The following FAM241A variants were observed in gnomAD, a reference collection of about 807,000 sequenced individuals.
FAM241A encodes the protein uncharacterized protein FAM241A.
In FAM241A, 7 loss-of-function variants were observed where a neutral mutation model predicts 12.2. That is an observed-to-expected ratio of 0.58 (90% CI 0.33 to 1.08). The LOEUF is 1.08. FAM241A is among the 50% of genes least tolerant of loss of function. The pLI, the probability that FAM241A is intolerant of heterozygous loss-of-function variation, is 0.04. For missense variants in FAM241A, 161 were observed against 169.7 expected, an observed-to-expected ratio of 0.95 and a Z score of 0.29; for synonymous variants, 74 against 68.2, an observed-to-expected ratio of 1.08 and a Z score of -0.42.
chr4:112,172,526 A>G (rs539329050), intron 1 of FAM241A, among the ~76,000 whole-genome samples: 1 of 152,352 alleles, frequency 6.6e-6, no homozygotes, highest in South Asian at 2.1e-4. Flanking sequence ...GCAGTGCATT[A>G]GTGGGTTTTT....
At chr4:112,166,850 C>T (rs1307691935) in intron 1 of FAM241A, among the ~76,000 whole-genome samples, 6 of 151,744 alleles carry the variant, frequency 4.0e-5, no homozygotes, top group Admixed American at 3.9e-4. Context: ...CGCGGTGGCT[C>T]ACGCCTGTAA....
In FAM241A at chr4:112,145,505, C is replaced by T. The variant is rs948297100; in HGVS notation, c.-76C>T. ...GTGCGGCGGATCCCAGGGCAGCCTTCGGGCGGCGGCGCTGCCTGGTGCGTC... is the reference window on the plus strand; with the variant it reads ...GTGCGGCGGATCCCAGGGCAGCCTTTGGGCGGCGGCGCTGCCTGGTGCGTC... On this transcript the variant is annotated 5_prime_UTR_variant, in exon 1 of 2. Coordinates refer to ENST00000309733, the MANE Select transcript of FAM241A (RefSeq NM_152400.3). The T allele has an allele frequency of 9.3e-6, 11 of 1,183,498 alleles. No individual in the cohort carries two copies. Among genetic ancestry groups the T allele is most frequent in the South Asian group, 8.4e-5 (2 of 23,862 alleles). 73.3% of individuals were successfully genotyped at this position (1,183,498 alleles called of 1,614,324 possible).
intron 1 of FAM241A, among the ~76,000 whole-genome samples, chr4:112,162,842 C>T (rs1018404381): frequency 4.6e-5 from 7 of 152,114 alleles, no homozygotes; most frequent in African/African-American, 7.2e-5. Flanking sequence ...AAAAAGAGCC[C>T]GCATTGCCAA....
At position 112,169,157 on chromosome 4, in the gene FAM241A, T is replaced by C. The variant is rs1165396479; in HGVS notation, c.154-17536T>C. Reference sequence around the variant, plus strand: ...CAAAATCATGAATGTTGATAATTCTTTCAACAGATGCTGGCCAAACTACCA... The same window carrying C: ...CAAAATCATGAATGTTGATAATTCTCTCAACAGATGCTGGCCAAACTACCA... On this transcript the variant is annotated intron_variant, in intron 1 of 1. Coordinates refer to ENST00000309733, the MANE Select transcript of FAM241A (RefSeq NM_152400.3). Among the ~76,000 whole-genome samples the C allele has an allele frequency of 2.6e-5, 4 of 152,220 alleles. No homozygotes were observed. The East Asian group carries it at 7.7e-4, about 29-fold the overall frequency.
In FAM241A at chr4:112,169,224, A is replaced by T. The variant is rs939223143; in HGVS notation, c.154-17469A>T. Among the ~76,000 whole-genome samples the T allele has an allele frequency of 3.9e-5, 6 of 152,308 alleles. No individual in the cohort carries two copies. The East Asian group carries it at 7.7e-4, about 20-fold the overall frequency. On this transcript the variant is annotated intron_variant, in intron 1 of 1. Transcript: ENST00000309733. ...GATATACTCAATGTTTTTAAGAATC[A>T]GTCCTCATCTAGTTAGTGCCTCAGA...
chr4:112,149,050 AAAG>A (rs1560578630), intron 1 of FAM241A, among the ~76,000 whole-genome samples: 1 of 152,236 alleles, frequency 6.6e-6, no homozygotes, highest in Non-Finnish European at 1.5e-5. Context: ...AGAAAGATCT[AAAG>A]AAGAAAAAAG....
intron 1 of FAM241A, among the ~76,000 whole-genome samples, chr4:112,165,055 C>T (rs565269554): frequency 3.3e-5 from 5 of 152,264 alleles, no homozygotes; most frequent in African/African-American, 7.2e-5. Context: ...GAGCTGTGAT[C>T]GCACCACCGC....
rs1724196623 is a variant in FAM241A at position 112,192,979 on chromosome 4, C to T, written c.*6041C>T. On this transcript the variant is annotated 3_prime_UTR_variant, in exon 2 of 2. Transcript: ENST00000309733. The stretch of plus-strand genomic sequence containing the variant: ...GTCCCACCAACAGTGTAAAAGTGTT[C>T]CTATTTCTCCACATCCTCTCCAGCA... The T allele has an allele frequency of 6.7e-6, 1 of 148,400 alleles. No individual in the cohort carries two copies. The highest frequency in any genetic ancestry group is 2.5e-5 in the African/African-American group (1 of 39,962). The allele number at this position is 148,400 out of a possible 1,614,324, so 9.2% of individuals were successfully genotyped here.
chr4:112,194,988 G>A lies in FAM241A; in HGVS notation c.*8050G>A, dbSNP rs1260003596. On this transcript the variant is annotated 3_prime_UTR_variant, in exon 2 of 2. Coordinates refer to ENST00000309733, the MANE Select transcript of FAM241A (RefSeq NM_152400.3). ...GGGGTTTCACCATGTTGGCCAGGAT[G>A]GTCTCAATCGCTTGACCTCATGATC... 1 of 152,146 alleles carries A rather than the reference G, an allele frequency of 6.6e-6. No individual in the cohort carries two copies. Among genetic ancestry groups the A allele is most frequent in the East Asian group, 1.9e-4 (1 of 5,190 alleles). The allele number at this position is 152,146 out of a possible 1,614,324, so 9.4% of individuals were successfully genotyped here.
At position 112,186,811 on chromosome 4, in the gene FAM241A, A is replaced by G. The variant is rs1724052441; in HGVS notation, c.272A>G (p.Tyr91Cys). The part of the protein sequence containing the change: ...NLINMGFTRM[Y>C]FGERIVEPVI... ...ATCAACATGGGCTTCACAAGGATGTATTTTGGAGAACGAATAGTGGAACCA... is the reference window on the plus strand; with the variant it reads ...ATCAACATGGGCTTCACAAGGATGTGTTTTGGAGAACGAATAGTGGAACCA... Residue 91 changes from tyrosine to cysteine, a missense_variant, in exon 2 of 2, where the codon TAT becomes TGT. Transcript: ENST00000309733. 1.2e-6 allele frequency: 2 copies of G among 1,613,904 alleles called. No homozygotes were observed. Among genetic ancestry groups the G allele is most frequent in the African/African-American group, 2.7e-5 (2 of 74,866 alleles).
Position 112,193,438 on chromosome 4 carries a change from A to G in FAM241A, c.*6500A>G, listed in dbSNP as rs1724205215. 1 of 152,112 alleles carries G rather than the reference A, an allele frequency of 6.6e-6. No homozygotes were observed. Among genetic ancestry groups the G allele is most frequent in the African/African-American group, 2.4e-5 (1 of 41,406 alleles). The allele number at this position is 152,112 out of a possible 1,614,324, so 9.4% of individuals were successfully genotyped here. A position where few individuals can be genotyped will look rare whatever the true frequency, so the allele number is the denominator to read the frequency against. Reference sequence around the variant, plus strand: ...GTCCTTGCCCATGCCTATGTCCTGAATGGTAATGCCTAGGTTTTCTTCTAG... The same window carrying G: ...GTCCTTGCCCATGCCTATGTCCTGAGTGGTAATGCCTAGGTTTTCTTCTAG... On this transcript the variant is annotated 3_prime_UTR_variant, in exon 2 of 2. Coordinates refer to ENST00000309733, the MANE Select transcript of FAM241A (RefSeq NM_152400.3).
intron 1 of FAM241A, among the ~76,000 whole-genome samples, chr4:112,149,252 C>A (rs566674395): frequency 3.9e-5 from 6 of 152,050 alleles, no homozygotes; most frequent in Non-Finnish European, 8.8e-5. Context: ...GCAATCCTCC[C>A]GTCTCAGCCT....
chr4:112,188,651 T>C lies in FAM241A; in HGVS notation c.*1713T>C, dbSNP rs967746356. ...ATAGAATTGTGAGGTTTTCAATAGA[T>C]GTCATGAGATTTTGTATATCTACAT... On this transcript the variant is annotated 3_prime_UTR_variant, in exon 2 of 2. Transcript: ENST00000309733. The C allele has an allele frequency of 6.6e-6, 1 of 152,192 alleles. No individual in the cohort carries two copies. The highest frequency in any genetic ancestry group is 1.5e-5 in the Non-Finnish European group (1 of 68,012). 9.4% of individuals were successfully genotyped at this position (152,192 alleles called of 1,614,324 possible). A position where few individuals can be genotyped will look rare whatever the true frequency, so the allele number is the denominator to read the frequency against.
chr4:112,189,842 C>G lies in FAM241A; in HGVS notation c.*2904C>G, dbSNP rs563317810. The G allele has an allele frequency of 7.2e-6, 1 of 138,618 alleles. No individual in the cohort carries two copies. The highest frequency in any genetic ancestry group is 1.5e-5 in the Non-Finnish European group (1 of 65,498). The allele number at this position is 138,618 out of a possible 1,614,324, so 8.6% of individuals were successfully genotyped here. On this transcript the variant is annotated 3_prime_UTR_variant, in exon 2 of 2. Transcript: ENST00000309733. ...AAAAAAATTAGTAAACACTGCAAAT[C>G]AGATCTTTTTTTTTTTTTTTTCCTT...
At chr4:112,157,739 T>C (rs1723383079) in intron 1 of FAM241A, among the ~76,000 whole-genome samples, 1 of 152,112 alleles carries the variant, frequency 6.6e-6, no homozygotes, top group Non-Finnish European at 1.5e-5. Flanking sequence ...CCCCAAACAC[T>C]TCCAAAAAAT....
intron 1 of FAM241A, among the ~76,000 whole-genome samples, chr4:112,158,683 T>G (rs1476785550): frequency 6.6e-6 from 1 of 152,174 alleles, no homozygotes; most frequent in Non-Finnish European, 1.5e-5. Context: ...ATTGCTATTT[T>G]TATTGTTATT....
At chr4:112,177,212 T>C (rs1200703454) in intron 1 of FAM241A, among the ~76,000 whole-genome samples, 3 of 152,060 alleles carry the variant, frequency 2.0e-5, no homozygotes, top group African/African-American at 7.3e-5. Context: ...AGGTATTCTG[T>C]AAACTGTGAG....
Position 112,186,732 on chromosome 4 carries a change from G to A in FAM241A, c.193G>A (p.Gly65Arg). 6.2e-7 allele frequency: 1 copy of A among 1,613,142 alleles called. No homozygotes were observed. Among genetic ancestry groups the A allele is most frequent in the Non-Finnish European group, 8.5e-7 (1 of 1,179,690 alleles). Residue 65 changes from glycine to arginine, a missense_variant, in exon 2 of 2, where the codon GGA (glycine) becomes AGA (arginine). Gly to Arg is a moderately radical substitution (Grantham distance 125). Coordinates refer to ENST00000309733, the MANE Select transcript of FAM241A (RefSeq NM_152400.3). ...DSQNHTGEPV[G>R]DDYKKMGTLF... ...ACAGAACCACACTGGTGAGCCGGTT[G>A]GAGATGACTACAAGAAAATGGGAAC...
intron 1 of FAM241A, among the ~76,000 whole-genome samples, chr4:112,158,839 G>A (rs1270931504): frequency 1.3e-5 from 2 of 152,022 alleles, no homozygotes; most frequent in Admixed American, 1.3e-4. Context: ...TTTGTGTTGG[G>A]AACATTCAAA....
Sources: allele counts gnomAD v4.1 joint callset (sites outside exome capture counted in the v4.1 genomes callset), GRCh38; gene constraint gnomAD v4.1.1; transcripts MANE v1.5; gene names NCBI Gene and HGNC (gene_info 2026-07-23, HGNC 2026-07-21).